Variants in TMEM132D observed in about 807,000 individuals in gnomAD.
TMEM132D encodes the protein mature OL transmembrane protein.
TMEM132D carries 21 observed loss-of-function variants against 62.3 expected under a neutral mutation model. That is an observed-to-expected ratio of 0.34 (90% CI 0.24 to 0.49). The LOEUF is 0.49. Among genes scored for constraint, TMEM132D ranks in the 20% least tolerant of loss-of-function variants. The pLI, the probability that TMEM132D is intolerant of heterozygous loss-of-function variation, is 0.99. For synonymous variants in TMEM132D, 621 were observed against 575.6 expected (o/e 1.08, Z -1.13); for missense variants, 1,346 against 1,402.8 (o/e 0.96, Z 0.65).
intron 4 of TMEM132D, among the ~76,000 whole-genome samples, chr12:129,297,263 G>T (rs992376189): frequency 6.6e-6 from 1 of 152,180 alleles, no homozygotes. Context: ...GCTGCATTTG[G>T]TGCACGTTCT....
At chr12:129,672,712 T>A (rs1036108865) in intron 2 of TMEM132D, among the ~76,000 whole-genome samples, 3 of 152,210 alleles carry the variant, frequency 2.0e-5, no homozygotes, top group African/African-American at 7.2e-5. Flanking sequence ...CATATATGTA[T>A]ATATAAATAT....
At chr12:129,390,014 C>A (rs1389318717) in intron 3 of TMEM132D, among the ~76,000 whole-genome samples, 3 of 152,164 alleles carry the variant, frequency 2.0e-5, no homozygotes, top group African/African-American at 4.8e-5. Flanking sequence ...TTCCTGTCGG[C>A]GCACACTGGC....
At chr12:129,308,186 T>C (rs192975921) in intron 4 of TMEM132D, among the ~76,000 whole-genome samples, 3 of 152,350 alleles carry the variant, frequency 2.0e-5, no homozygotes, top group Admixed American at 2.0e-4. Flanking sequence ...TCGATCACAA[T>C]ATTGTTATAT....
chr12:129,539,828 C>G (rs1379225224), intron 2 of TMEM132D, among the ~76,000 whole-genome samples: 1 of 152,182 alleles, frequency 6.6e-6, no homozygotes, highest in Non-Finnish European at 1.5e-5. Context: ...CTTTTCTCTA[C>G]CAGCTCAAGA....
chr12:129,086,295 T>A (rs1397434104), intron 5 of TMEM132D, among the ~76,000 whole-genome samples: 2 of 152,122 alleles, frequency 1.3e-5, no homozygotes, highest in Non-Finnish European at 2.9e-5. Context: ...TTTTGTCACA[T>A]GGATATAGTG....
chr12:129,376,938 T>A (rs1405087598), intron 3 of TMEM132D, among the ~76,000 whole-genome samples: 2 of 152,220 alleles, frequency 1.3e-5, no homozygotes, highest in African/African-American at 4.8e-5. Context: ...TATAACCCAT[T>A]AAATGTTTCC....
chr12:129,443,171 C>T (rs1872989601), intron 3 of TMEM132D, among the ~76,000 whole-genome samples: 1 of 152,186 alleles, frequency 6.6e-6, no homozygotes, highest in Non-Finnish European at 1.5e-5. Context: ...CTCTCCTCTA[C>T]AAGTTGCTTC....
chr12:129,083,376 G>C (rs1244517943), intron 6 of TMEM132D, among the ~76,000 whole-genome samples: 1 of 152,234 alleles, frequency 6.6e-6, no homozygotes, highest in African/African-American at 2.4e-5. Context: ...GTCTGAACCA[G>C]GCAGCTGTGA....
At chr12:129,607,765 C>G (rs921516523) in intron 2 of TMEM132D, among the ~76,000 whole-genome samples, 1 of 152,162 alleles carries the variant, frequency 6.6e-6, no homozygotes, top group Admixed American at 6.5e-5. Context: ...ATGCCTTTTT[C>G]TGTGTTTTGG....
chr12:129,283,306 C>T (rs1034476458), intron 4 of TMEM132D, among the ~76,000 whole-genome samples: 23 of 152,196 alleles, frequency 1.5e-4, no homozygotes, highest in Non-Finnish European at 2.9e-5. Flanking sequence ...ATTCTCCTGC[C>T]TCAGCCTCCC....
At chr12:129,800,338 A>G (rs963918147) in intron 1 of TMEM132D, among the ~76,000 whole-genome samples, 4 of 151,940 alleles carry the variant, frequency 2.6e-5, no homozygotes, top group Non-Finnish European at 5.9e-5. Flanking sequence ...GAGAGTGTCA[A>G]AAGGATGAAG....
intron 2 of TMEM132D, among the ~76,000 whole-genome samples, chr12:129,631,912 C>T (rs1380125487): frequency 6.6e-6 from 1 of 152,168 alleles, no homozygotes; most frequent in Non-Finnish European, 1.5e-5. Context: ...GATCCTCAGA[C>T]TTACCACATA....
chr12:129,564,290 T>C (rs939295545), intron 2 of TMEM132D, among the ~76,000 whole-genome samples: 4 of 152,354 alleles, frequency 2.6e-5, no homozygotes, highest in African/African-American at 9.6e-5. Context: ...TTTTCTGATA[T>C]GTCATGTGGC....
chr12:129,134,134 CTG>C (rs751171179), intron 5 of TMEM132D, among the ~76,000 whole-genome samples: 1,169 of 76,990 alleles, frequency 0.015, 19 homozygotes, highest in African/African-American at 0.036. Flanking sequence ...GTGTGTGTGT[CTG>C]TGTGTGTGTG....
chr12:129,619,922 T>C (rs1010197890), intron 2 of TMEM132D, among the ~76,000 whole-genome samples: 1 of 152,176 alleles, frequency 6.6e-6, no homozygotes, highest in African/African-American at 2.4e-5. Context: ...CCAGAGCTTG[T>C]CTCTAGAAAG....
chr12:129,382,730 G>C (rs1870986254), intron 3 of TMEM132D, among the ~76,000 whole-genome samples: 2 of 152,108 alleles, frequency 1.3e-5, no homozygotes, highest in African/African-American at 4.8e-5. Flanking sequence ...GAATACAGAG[G>C]CTTTTGAAAA....
chr12:129,213,668 A>T (rs1045208168), intron 4 of TMEM132D, among the ~76,000 whole-genome samples: 1 of 152,184 alleles, frequency 6.6e-6, no homozygotes, highest in Non-Finnish European at 1.5e-5. Context: ...ATCACCTAGT[A>T]GTAGAGGAAG....
At chr12:129,226,058 T>C (rs1879472762) in intron 4 of TMEM132D, among the ~76,000 whole-genome samples, 1 of 152,216 alleles carries the variant, frequency 6.6e-6, no homozygotes, top group South Asian at 2.1e-4. Context: ...CTGTATTTTA[T>C]GAGTGGTTTG....
chr12:129,474,196 G>T (rs12311100), intron 3 of TMEM132D, among the ~76,000 whole-genome samples: 64 of 152,226 alleles, frequency 4.2e-4, no homozygotes, highest in African/African-American at 1.5e-3. Context: ...CAGGGGACTC[G>T]GGAACAGGAG....
Sources: allele counts gnomAD v4.1 joint callset (sites outside exome capture counted in the v4.1 genomes callset), GRCh38; gene constraint gnomAD v4.1.1; transcripts MANE v1.5; gene names NCBI Gene and HGNC (gene_info 2026-07-23, HGNC 2026-07-21).